The following ARHGEF26 variants were observed in gnomAD, a reference collection of about 807,000 sequenced individuals.
The protein encoded by ARHGEF26 is Rho guanine nucleotide exchange factor (GEF) 26.
In ARHGEF26, 59 loss-of-function variants were observed where a neutral mutation model predicts 89.4. The ratio of observed to expected loss-of-function variants is 0.66; its 90% CI spans 0.54 to 0.82. The LOEUF (loss-of-function observed/expected upper bound fraction) is 0.82. ARHGEF26 is among the 40% of genes least tolerant of loss of function. The pLI is 0.00. For missense variants in ARHGEF26, 1,234 were observed against 1,085.6 expected (o/e 1.14, Z -1.92); for synonymous variants, 500 against 428.4 (o/e 1.17, Z -2.06).
In ARHGEF26 at chr3:154,124,732, A is replaced by G. The variant is rs115903143; in HGVS notation, c.1123+283A>G. Among the ~76,000 whole-genome samples, 378 of 152,242 alleles carry G rather than the reference A, an allele frequency of 2.5e-3. 1 individual carries two copies. The highest frequency in any genetic ancestry group is 5.8e-3 in the South Asian group (28 of 4,822). On this transcript the variant is annotated intron_variant, in intron 3 of 14. Transcript: ENST00000465093. Reference sequence around the variant, plus strand: ...GGCTCCATCCCCATGTTCCTCAGGAAGGGTAAGAGCAAGATCTAGCTTTTT... The same window carrying G: ...GGCTCCATCCCCATGTTCCTCAGGAGGGGTAAGAGCAAGATCTAGCTTTTT...
chr3:154,189,573 G>A (rs1713823722), intron 7 of ARHGEF26, among the ~76,000 whole-genome samples: 1 of 151,954 alleles, frequency 6.6e-6, no homozygotes, highest in Non-Finnish European at 1.5e-5. Context: ...TCCTGACCTC[G>A]TGATCCACCT....
At chr3:154,132,415 CTT>C (rs1192379708) in intron 4 of ARHGEF26, among the ~76,000 whole-genome samples, 4 of 152,072 alleles carry the variant, frequency 2.6e-5, no homozygotes, top group Non-Finnish European at 5.9e-5. Flanking sequence ...CTCTTCTGTC[CTT>C]CCCATGAGGG....
intron 6 of ARHGEF26, among the ~76,000 whole-genome samples, chr3:154,172,774 C>T (rs1344156940): frequency 1.1e-4 from 16 of 152,162 alleles, no homozygotes; most frequent in Non-Finnish European, 1.5e-5. Flanking sequence ...GGAACATGTT[C>T]ATCCTCAATA....
intron 6 of ARHGEF26, among the ~76,000 whole-genome samples, chr3:154,157,622 G>T (rs1324012865): frequency 6.6e-6 from 1 of 152,132 alleles, no homozygotes; most frequent in Non-Finnish European, 1.5e-5. Context: ...GAAACTGACA[G>T]GGGCCTCCAA....
intron 10 of ARHGEF26, among the ~76,000 whole-genome samples, chr3:154,220,500 TAA>T (rs1716059429): frequency 1.3e-5 from 2 of 152,008 alleles, no homozygotes; most frequent in African/African-American, 2.4e-5. Context: ...AAAGGTGAGT[TAA>T]GAAGGGCCTT....
At chr3:154,202,303 T>C (rs1714694687) in intron 9 of ARHGEF26, among the ~76,000 whole-genome samples, 1 of 152,194 alleles carries the variant, frequency 6.6e-6, no homozygotes, top group African/African-American at 2.4e-5. Context: ...TTGTCAGAGA[T>C]CAGATAGTTG....
chr3:154,122,929 C>T lies in ARHGEF26; in HGVS notation c.937C>T (p.Arg313Trp). The change falls in exon 2 of 15, where the codon CGG (arginine) becomes TGG (tryptophan). Residue 313 changes from arginine (R) to tryptophan (W), a missense_variant. Physicochemically the swap from Arg to Trp is moderately radical, Grantham distance 101. Transcript: ENST00000465093. ...DSPGSLRRGLRSTSYRRAVVS... is the reference protein window; with the variant it reads ...DSPGSLRRGLWSTSYRRAVVS... Reference sequence around the variant, plus strand: ...CCCAGGGTCTCTGCGGAGAGGCTTGCGGTCCACGTCTTATCGCAGGGCAGT... The same window carrying T: ...CCCAGGGTCTCTGCGGAGAGGCTTGTGGTCCACGTCTTATCGCAGGGCAGT... 1 of 1,612,694 alleles carries T rather than the reference C, an allele frequency of 6.2e-7. No individual in the cohort carries two copies. The highest frequency in any genetic ancestry group is 8.5e-7 in the Non-Finnish European group (1 of 1,179,426).
At chr3:154,186,886 CTTTTTTTTTTTTTTT>C (rs201150057) in intron 6 of ARHGEF26, among the ~76,000 whole-genome samples, 21,763 of 82,852 alleles carry the variant, frequency 0.26, 2,831 homozygotes, top group East Asian at 0.55. Context: ...TTATTTCAGA[CTTTTTTTTTTTTTTT>C]TTTTTTTTTT....
chr3:154,234,932 AT>A (rs1232644803), intron 11 of ARHGEF26, among the ~76,000 whole-genome samples: 1 of 151,900 alleles, frequency 6.6e-6, no homozygotes, highest in Non-Finnish European at 1.5e-5. Context: ...CGCCCGGCTA[AT>A]TTTTTGTATT....
At chr3:154,235,328 A>T (rs546241071) in intron 11 of ARHGEF26, among the ~76,000 whole-genome samples, 1 of 152,210 alleles carries the variant, frequency 6.6e-6, no homozygotes, top group South Asian at 2.1e-4. Context: ...AATCCATATT[A>T]AGGGTTTTGT....
intron 6 of ARHGEF26, among the ~76,000 whole-genome samples, chr3:154,172,351 T>C (rs1182436696): frequency 2.6e-5 from 4 of 152,160 alleles, no homozygotes; most frequent in African/African-American, 9.7e-5. Context: ...TTCATTTGTT[T>C]TCAGAATGTG....
At chr3:154,134,782 T>A (rs1718904359) in intron 4 of ARHGEF26, among the ~76,000 whole-genome samples, 1 of 151,874 alleles carries the variant, frequency 6.6e-6, no homozygotes, top group Non-Finnish European at 1.5e-5. Context: ...TTTTTTTTTT[T>A]AACATGAATC....
intron 12 of ARHGEF26, among the ~76,000 whole-genome samples, chr3:154,250,111 A>G (rs1718041634): frequency 6.6e-6 from 1 of 151,876 alleles, no homozygotes. Context: ...GCTCACCGCA[A>G]CCTCCGCCTC....
At chr3:154,221,880 G>T (rs1288413989) in intron 10 of ARHGEF26, among the ~76,000 whole-genome samples, 1 of 152,176 alleles carries the variant, frequency 6.6e-6, no homozygotes, top group Non-Finnish European at 1.5e-5. Context: ...TCAGGAGGAG[G>T]AACAAGTTTT....
Position 154,121,962 on chromosome 3 carries a change from C to T in ARHGEF26, c.-31C>T, listed in dbSNP as rs199795997. 439 of 1,560,802 alleles carry T rather than the reference C, an allele frequency of 2.8e-4. 1 individual carries two copies. The highest frequency in any genetic ancestry group is 1.1e-3 in the Middle Eastern group (6 of 5,702). On this transcript the variant is annotated 5_prime_UTR_variant, in exon 2 of 15. Transcript: ENST00000465093. ...TTTAGGCAAGACTAACTCGGTGTTG[C>T]TCCTCCCGGCGCTGACTTCGAGGCC...
In ARHGEF26 at chr3:154,237,318, G is replaced by A. The variant is rs567513357; in HGVS notation, c.2091-3052G>A. ...TGTAATCCCAGCACTTTGGGAGGCC[G>A]ATTACTTGAGGTCAAGAGTTCCAGA... is the stretch of plus-strand genomic sequence containing the variant. On this transcript the variant is annotated intron_variant, in intron 11 of 14. Coordinates refer to ENST00000465093, the MANE Select transcript of ARHGEF26 (RefSeq NM_015595.4). Among the ~76,000 whole-genome samples the A allele has an allele frequency of 4.6e-5, 7 of 152,220 alleles. No homozygotes were observed. The South Asian group carries it at 1.2e-3, about 27-fold the overall frequency.
At chr3:154,187,982 T>C (rs1057042173) in intron 7 of ARHGEF26, 145 bp downstream of exon 7, 33 of 839,528 alleles carry the variant, frequency 3.9e-5, no homozygotes, top group South Asian at 7.6e-5. Context: ...TTAAGAGCAT[T>C]ACTTTTAGGG....
In ARHGEF26 at chr3:154,122,364, C is replaced by T. The variant is rs756442347; in HGVS notation, c.372C>T (p.Ser124=). Residue 124 remains serine, a synonymous_variant, in exon 2 of 15, where the codon TCC becomes TCT. Transcript: ENST00000465093. ...PKLPKAVPGG[S]PKSPANGAVT... is the part of the protein sequence containing the mutation. ...TCCCCAAAGCGGTGCCTGGCGGCTC[C>T]CCGAAATCCCCAGCAAATGGCGCGG... 3 of 1,612,348 alleles carry T rather than the reference C, an allele frequency of 1.9e-6. No individual in the cohort carries two copies. Among genetic ancestry groups the T allele is most frequent in the East Asian group, 2.2e-5 (1 of 44,878 alleles).
At chr3:154,241,520 T>G (rs1227008375) in intron 12 of ARHGEF26, among the ~76,000 whole-genome samples, 1 of 152,202 alleles carries the variant, frequency 6.6e-6, no homozygotes, top group East Asian at 1.9e-4. Flanking sequence ...CCTAGATGAT[T>G]AACGAGAATA....
Sources: gnomAD v4.1 joint callset for allele counts (sites outside exome capture counted in the v4.1 genomes callset) on GRCh38, gnomAD v4.1.1 for gene constraint, MANE v1.5 for transcripts, NCBI Gene and HGNC (gene_info 2026-07-23, HGNC 2026-07-21) for gene names.